The following FRMPD3 variants were observed in gnomAD, a reference collection of about 807,000 sequenced individuals.
FRMPD3 encodes the protein FERM and PDZ domain-containing protein 3.
Under a neutral mutation model 97.9 loss-of-function variants are expected in FRMPD3, and 42 were observed. The observed-to-expected ratio is 0.43, with a 90% CI of 0.34 to 0.55. The LOEUF (loss-of-function observed/expected upper bound fraction) is 0.55, where lower values mean the gene tolerates loss of function less well. Among genes scored for constraint, FRMPD3 ranks in the 20% least tolerant of loss-of-function variants. The pLI is 0.03. For missense variants in FRMPD3, 1,303 were observed against 1,457.7 expected, an observed-to-expected ratio of 0.89 and a Z score of 1.73; for synonymous variants, 577 against 581.1, an observed-to-expected ratio of 0.99 and a Z score of 0.10.
chrX:107,525,715 T>G (rs1374863474), intron 1 of FRMPD3: 2 of 552,532 alleles, frequency 3.6e-6, no homozygotes, highest in African/African-American at 4.5e-5. Flanking sequence ...ATTAGCACAT[T>G]TATTTATATA....
intron 1 of FRMPD3, among the ~76,000 whole-genome samples, chrX:107,478,819 A>G (rs1370010567): frequency 1.8e-5 from 2 of 112,244 alleles, no homozygotes; most frequent in African/African-American, 6.5e-5. Flanking sequence ...AGAGACAAAT[A>G]CAGAGACTAA....
chrX:107,500,793 G>A (rs1377978022), intron 1 of FRMPD3, among the ~76,000 whole-genome samples: 11 of 84,110 alleles, frequency 1.3e-4, no homozygotes, highest in Admixed American at 1.3e-3. Context: ...GGGCGACAGA[G>A]TAAGACTCTG....
chrX:107,595,632 A>C (rs2147644236), intron 13 of FRMPD3, among the ~76,000 whole-genome samples: 1 of 110,915 alleles, frequency 9.0e-6, no homozygotes, highest in African/African-American at 3.3e-5. Context: ...TAGTTGTTTT[A>C]TCCATTATTG....
intron 1 of FRMPD3, among the ~76,000 whole-genome samples, chrX:107,505,449 G>A (rs373693746): frequency 2.7e-5 from 3 of 112,166 alleles, no homozygotes; most frequent in East Asian, 5.6e-4. Context: ...AGTGCCTAGC[G>A]TAAAGTAGAT....
chrX:107,535,849 T>C (rs1347637152), intron 4 of FRMPD3, among the ~76,000 whole-genome samples: 1 of 110,514 alleles, frequency 9.0e-6, no homozygotes, highest in South Asian at 3.9e-4. Context: ...TATTATACGT[T>C]GCATGCCTGT....
intron 10 of FRMPD3, among the ~76,000 whole-genome samples, chrX:107,562,028 C>G: frequency 8.9e-6 from 1 of 112,165 alleles, no homozygotes; most frequent in Non-Finnish European, 1.9e-5. Context: ...AACACTAAGC[C>G]CAGCCTGAGG....
chrX:107,574,287 A>AT (rs1238760665), intron 12 of FRMPD3, among the ~76,000 whole-genome samples: 1 of 111,226 alleles, frequency 9.0e-6, no homozygotes, highest in South Asian at 3.8e-4. Flanking sequence ...TGAAAAAAAA[A>AT]AAAGGCAAAA....
chrX:107,503,793 G>A (rs890798185), intron 1 of FRMPD3, among the ~76,000 whole-genome samples: 3 of 112,080 alleles, frequency 2.7e-5, no homozygotes, highest in Non-Finnish European at 5.6e-5. Flanking sequence ...CTGGTCCAGT[G>A]AAGAAGTTGC....
At position 107,545,845 on chromosome X, in the gene FRMPD3, A is replaced by T; in HGVS notation, c.402+4A>T. ...GGCAGTTGGAGAAACAGATGCAGTA[A>T]GTGTAGCTTTGGCTCCCTCTCCTCA... is the stretch of plus-strand genomic sequence containing the variant. On this transcript the variant is annotated splice_donor_region_variant and intron_variant, in intron 5 of 14. Coordinates refer to ENST00000683843, the MANE Select transcript of FRMPD3 (RefSeq NM_001388459.1). 6.7e-6 allele frequency: 8 copies of T among 1,187,281 alleles called. No individual in the cohort carries two copies. Among genetic ancestry groups the T allele is most frequent in the Non-Finnish European group, 9.1e-6 (8 of 874,559 alleles).
chrX:107,531,077 A>G (rs1922932336), intron 3 of FRMPD3, among the ~76,000 whole-genome samples: 1 of 108,320 alleles, frequency 9.2e-6, no homozygotes, highest in Non-Finnish European at 1.9e-5. Context: ...GAGTAATCAC[A>G]TTGTCTTTAC....
intron 4 of FRMPD3, among the ~76,000 whole-genome samples, chrX:107,538,855 C>T (rs1021083458): frequency 1.6e-4 from 18 of 112,154 alleles, no homozygotes; most frequent in African/African-American, 5.2e-4. Context: ...GACGATGTTT[C>T]GCCATGTTGG....
At chrX:107,494,612 T>TA (rs1488430835) in intron 1 of FRMPD3, among the ~76,000 whole-genome samples, 3 of 111,766 alleles carry the variant, frequency 2.7e-5, no homozygotes, top group Non-Finnish European at 3.8e-5. Flanking sequence ...GAGTAATAGC[T>TA]ATAATTTCTT....
chrX:107,568,790 G>C (rs1922726089), intron 12 of FRMPD3, among the ~76,000 whole-genome samples: 1 of 110,560 alleles, frequency 9.0e-6, no homozygotes, highest in African/African-American at 3.3e-5. Context: ...TGGGTGCAGT[G>C]GCTCATGCCT....
chrX:107,590,351 AAAAGAAAG>A (rs200194961), intron 13 of FRMPD3, among the ~76,000 whole-genome samples: 13 of 109,043 alleles, frequency 1.2e-4, no homozygotes, highest in East Asian at 2.8e-4. Context: ...GACTAAAAAG[AAAAGAAAG>A]AAAGAAAGAA....
Position 107,603,628 on chromosome X carries a change from T to A in FRMPD3, c.*255T>A. On this transcript the variant is annotated 3_prime_UTR_variant, in exon 15 of 15. Transcript: ENST00000683843. The stretch of plus-strand genomic sequence containing the variant: ...TGTGAGGGCAAAGGCCCCTCTTCAC[T>A]CTGCTCACAGCAGAGCTGTATTTTA... The A allele has an allele frequency of 2.4e-6, 1 of 410,521 alleles. No homozygotes were observed. The highest frequency in any genetic ancestry group is 2.5e-5 in the African/African-American group (1 of 40,715). The allele number at this position is 410,521 out of a possible 1,213,427, so 33.8% of individuals were successfully genotyped here. A position where few individuals can be genotyped will look rare whatever the true frequency, so the allele number is the denominator to read the frequency against.
chrX:107,510,587 C>T (rs753707027), intron 1 of FRMPD3, among the ~76,000 whole-genome samples: 2 of 112,141 alleles, frequency 1.8e-5, no homozygotes, highest in East Asian at 2.8e-4. Context: ...CAGCATAGCA[C>T]GTGCTCTTGC....
At chrX:107,589,116 T>C (rs929211691) in intron 13 of FRMPD3, among the ~76,000 whole-genome samples, 1 of 111,609 alleles carries the variant, frequency 9.0e-6, no homozygotes, top group African/African-American at 3.3e-5. Context: ...TCTGTGCCCT[T>C]GCTGGAAAGA....
At chrX:107,542,015 C>A (rs1921333337) in intron 4 of FRMPD3, among the ~76,000 whole-genome samples, 1 of 112,906 alleles carries the variant, frequency 8.9e-6, no homozygotes, top group Admixed American at 9.3e-5. Flanking sequence ...CATCTGAGGG[C>A]AGATGATGGC....
chrX:107,564,220 C>G (rs1364586173), intron 11 of FRMPD3, among the ~76,000 whole-genome samples: 1 of 112,324 alleles, frequency 8.9e-6, no homozygotes, highest in Non-Finnish European at 1.9e-5. Flanking sequence ...TGAAAGCCCA[C>G]TGTCCCCTCC....
Sources: allele counts gnomAD v4.1 joint callset (sites outside exome capture counted in the v4.1 genomes callset), GRCh38; gene constraint gnomAD v4.1.1; transcripts MANE v1.5; gene names NCBI Gene and HGNC (gene_info 2026-07-23, HGNC 2026-07-21).